The following HIGD1C variants were observed in gnomAD, a reference collection of about 807,000 sequenced individuals.
The protein encoded by HIGD1C is HIG1 hypoxia inducible domain family member 1C.
Under a neutral mutation model 13.1 loss-of-function variants are expected in HIGD1C, and 11 were observed. That is an observed-to-expected ratio of 0.84 (90% CI 0.53 to 1.39). HIGD1C has a LOEUF of 1.39. Ranked by LOEUF, HIGD1C falls within the 40% of genes most tolerant of loss-of-function variation. The pLI is 0.00. For synonymous variants in HIGD1C, 36 were observed against 37.7 expected (o/e 0.95, Z 0.17); for missense variants, 110 against 112.0 (o/e 0.98, Z 0.08).
chr12:50,947,148 C>T, the HIGD1C span, among the ~76,000 whole-genome samples: 23 of 152,170 alleles, frequency 1.5e-4, no homozygotes, highest in African/African-American at 1.2e-4. Flanking sequence ...ATCTGTGACA[C>T]GTCCACCCTT....
chr12:50,968,335 C>G (rs1008348009), intron 2 of HIGD1C, among the ~76,000 whole-genome samples: 20 of 152,126 alleles, frequency 1.3e-4, no homozygotes, highest in African/African-American at 3.6e-4. Context: ...ACTTGTCAGA[C>G]TTACTGCCTC....
chr12:50,932,657 C>G, the HIGD1C span: 1 of 152,058 alleles, frequency 6.6e-6, no homozygotes, highest in African/African-American at 2.4e-5. Flanking sequence ...AGATTTTACA[C>G]AAAGCAATCC....
At chr12:50,950,670 ATTTTTT>A (rs57553489), upstream of HIGD1C, among the ~76,000 whole-genome samples, 29 of 87,686 alleles carry the variant, frequency 3.3e-4, no homozygotes, top group South Asian at 2.7e-3. Flanking sequence ...TGCCCAGCTA[ATTTTTT>A]TTTTTTTTTT....
chr12:50,951,922 C>CAA (rs202149759), upstream of HIGD1C, among the ~76,000 whole-genome samples: 18,841 of 86,944 alleles, frequency 0.22, 1,818 homozygotes, highest in East Asian at 0.53. Flanking sequence ...AACTCCATCT[C>CAA]AAAAAAAAAA....
chr12:50,970,587 A>T, downstream of HIGD1C: 1 of 806,598 alleles, frequency 1.2e-6, no homozygotes, highest in Non-Finnish European at 2.1e-6. Flanking sequence ...ATATGTAGCA[A>T]ATTTTACTAC....
At chr12:50,969,361 T>C (rs1939671724) in intron 2 of HIGD1C, among the ~76,000 whole-genome samples, 1 of 152,178 alleles carries the variant, frequency 6.6e-6, no homozygotes, top group African/African-American at 2.4e-5. Flanking sequence ...TTTACTTAGA[T>C]AAATCTGGAA....
At chr12:50,958,832 C>T (rs1939213589) in intron 1 of HIGD1C, among the ~76,000 whole-genome samples, 1 of 151,454 alleles carries the variant, frequency 6.6e-6, no homozygotes, top group Non-Finnish European at 1.5e-5. Context: ...GCCTGGCCAA[C>T]ATAGCGAGAC....
At chr12:50,939,977 T>C in the HIGD1C span, 1 of 151,580 alleles carries the variant, frequency 6.6e-6, no homozygotes. Flanking sequence ...CAAAAATCTA[T>C]AACTGGCTGT....
At chr12:50,938,210 C>G in the HIGD1C span, among the ~76,000 whole-genome samples, 1 of 151,916 alleles carries the variant, frequency 6.6e-6, no homozygotes, top group Non-Finnish European at 1.5e-5. Context: ...CCCCCCACCC[C>G]CCTACACACC....
chr12:50,936,620 TTC>T, the HIGD1C span, among the ~76,000 whole-genome samples: 34 of 152,360 alleles, frequency 2.2e-4, no homozygotes, highest in East Asian at 6.5e-3. Flanking sequence ...CAAGATCATC[TTC>T]TGAGTCCAAG....
chr12:50,951,595 T>C (rs913984087), upstream of HIGD1C, among the ~76,000 whole-genome samples: 4 of 152,130 alleles, frequency 2.6e-5, no homozygotes, highest in East Asian at 3.9e-4. Context: ...CAGGATTAGA[T>C]TGAGAGGCAT....
chr12:50,969,460 G>A (rs1187013287), intron 2 of HIGD1C, among the ~76,000 whole-genome samples: 1 of 152,012 alleles, frequency 6.6e-6, no homozygotes, highest in African/African-American at 2.4e-5. Flanking sequence ...AGCACTTTAG[G>A]AGGCCAAGGC....
the HIGD1C span, among the ~76,000 whole-genome samples, chr12:50,947,564 C>A: frequency 6.6e-6 from 1 of 152,152 alleles, no homozygotes. Flanking sequence ...TAGTCCAGGA[C>A]AATCTCTCAA....
the HIGD1C span, among the ~76,000 whole-genome samples, chr12:50,945,040 A>T: frequency 1.4e-4 from 22 of 152,160 alleles, no homozygotes; most frequent in African/African-American, 4.3e-4. Flanking sequence ...TCAACAGCCC[A>T]TCATGCTAAA....
At chr12:50,956,072 A>G (rs905083174) in intron 1 of HIGD1C, among the ~76,000 whole-genome samples, 3 of 152,346 alleles carry the variant, frequency 2.0e-5, no homozygotes, top group African/African-American at 7.2e-5. Context: ...AATAGAGATA[A>G]GTTTTTGCTA....
chr12:50,964,139 G>A (rs939962209), intron 2 of HIGD1C, among the ~76,000 whole-genome samples: 2 of 147,476 alleles, frequency 1.4e-5, no homozygotes, highest in East Asian at 3.9e-4. Flanking sequence ...AATGGACGTG[G>A]GGAATAGAAA....
intron 2 of HIGD1C, among the ~76,000 whole-genome samples, chr12:50,967,508 C>G (rs188351739): frequency 6.6e-6 from 1 of 152,146 alleles, no homozygotes; most frequent in Non-Finnish European, 1.5e-5. Context: ...AACTCCTGAC[C>G]TCAAGCGAAC....
At chr12:50,935,140 A>G in the HIGD1C span, 1 of 152,196 alleles carries the variant, frequency 6.6e-6, no homozygotes, top group Non-Finnish European at 1.5e-5. Flanking sequence ...ATTCTTGTTT[A>G]TCTGTTAAAG....
the HIGD1C span, chr12:50,931,277 C>G: frequency 6.6e-6 from 1 of 151,892 alleles, no homozygotes; most frequent in Non-Finnish European, 1.5e-5. Context: ...ACTTAAATCA[C>G]TCCAAAGAAG....
Sources: allele counts gnomAD v4.1 joint callset (sites outside exome capture counted in the v4.1 genomes callset), GRCh38; gene constraint gnomAD v4.1.1; transcripts MANE v1.5; gene names NCBI Gene and HGNC (gene_info 2026-07-23, HGNC 2026-07-21).